DPP10: variants seen among roughly 807,000 people sequenced by gnomAD.
The protein encoded by DPP10 is dipeptidyl peptidase like 10.
A neutral mutation model predicts 120.9 loss-of-function variants in DPP10; 33 were observed. That is an observed-to-expected ratio of 0.27 (90% CI 0.21 to 0.37). DPP10 has a LOEUF of 0.37. Ranked by LOEUF, DPP10 falls within the 10% of genes least tolerant of loss-of-function variation. The probability of loss-of-function intolerance (pLI) is 1.00; values close to 1 mark genes in which losing one functional copy is unlikely to be tolerated. For synonymous variants in DPP10, 337 were observed against 326.1 expected, an observed-to-expected ratio of 1.03 and a Z score of -0.36; for missense variants, 816 against 942.8, an observed-to-expected ratio of 0.87 and a Z score of 1.76.
At chr2:114,583,756 A>G (rs1444211387) in intron 1 of DPP10, among the ~76,000 whole-genome samples, 1 of 152,210 alleles carries the variant, frequency 6.6e-6, no homozygotes, top group East Asian at 1.9e-4. Context: ...CCAAAACAAC[A>G]TATCTGCAAA....
intron 1 of DPP10, among the ~76,000 whole-genome samples, chr2:114,550,019 C>T (rs1335496385): frequency 6.6e-6 from 1 of 152,178 alleles, no homozygotes; most frequent in Non-Finnish European, 1.5e-5. Context: ...TGCCTTCATC[C>T]ATTTGTCACC....
intron 17 of DPP10, among the ~76,000 whole-genome samples, chr2:115,786,162 A>G (rs190816896): frequency 6.6e-6 from 1 of 152,318 alleles, no homozygotes; most frequent in East Asian, 1.9e-4. Flanking sequence ...ATAACAGTCT[A>G]TGATTATTTC....
chr2:114,812,668 T>C lies in DPP10; in HGVS notation c.60+369830T>C, dbSNP rs1228944938. Among the ~76,000 whole-genome samples the C allele has an allele frequency of 2.6e-5, 4 of 152,138 alleles. No homozygotes were observed. In the South Asian group the frequency reaches 6.2e-4, roughly 24 times the overall value. On this transcript the variant is annotated intron_variant, in intron 1 of 25. Coordinates refer to ENST00000410059, the MANE Select transcript of DPP10 (RefSeq NM_020868.6). ...GTATCAATGTCTTTGTTCTCACCTC[T>C]GTATCTCTACAGCTTCCTCCTACTC...
intron 7 of DPP10, among the ~76,000 whole-genome samples, chr2:115,715,747 A>G (rs942740008): frequency 1.3e-5 from 2 of 152,178 alleles, no homozygotes; most frequent in African/African-American, 2.4e-5. Context: ...TTTTTCTTCT[A>G]TCTTTACATT....
intron 1 of DPP10, among the ~76,000 whole-genome samples, chr2:114,443,763 A>G (rs1425416352): frequency 2.0e-5 from 3 of 151,404 alleles, no homozygotes; most frequent in East Asian, 3.9e-4. Flanking sequence ...AGTTACTGCA[A>G]TCTCTCATTA....
At chr2:114,781,992 G>A (rs762105645) in intron 1 of DPP10, among the ~76,000 whole-genome samples, 7 of 151,966 alleles carry the variant, frequency 4.6e-5, no homozygotes, top group Non-Finnish European at 1.0e-4. Context: ...TTCTTTAAAT[G>A]TCGTACACAA....
intron 19 of DPP10, 83 bp from the exon 20 acceptor site, chr2:115,814,710 A>T (rs1575864509): frequency 1.8e-6 from 2 of 1,124,372 alleles, no homozygotes; most frequent in Non-Finnish European, 2.4e-6. Flanking sequence ...CTTTCCCATT[A>T]CTTAACTTGT....
chr2:114,917,812 T>C (rs150763217), intron 1 of DPP10, among the ~76,000 whole-genome samples: 122 of 152,158 alleles, frequency 8.0e-4, no homozygotes, highest in African/African-American at 2.9e-3. Flanking sequence ...CAACTCAAGA[T>C]GGATTAAAGA....
intron 5 of DPP10, among the ~76,000 whole-genome samples, chr2:115,542,224 C>G (rs1161862609): frequency 6.6e-6 from 1 of 151,852 alleles, no homozygotes; most frequent in Non-Finnish European, 1.5e-5. Context: ...CTTTTGCTTC[C>G]CCTTTATACT....
intron 1 of DPP10, among the ~76,000 whole-genome samples, chr2:115,107,422 C>CTT (rs59046305): frequency 0.071 from 4,274 of 59,830 alleles, 1,098 homozygotes; most frequent in East Asian, 0.1. Context: ...TTGGTTATAG[C>CTT]TTTTTTTTTT....
chr2:114,474,608 G>T (rs1680219128), intron 1 of DPP10, among the ~76,000 whole-genome samples: 1 of 152,146 alleles, frequency 6.6e-6, no homozygotes, highest in Non-Finnish European at 1.5e-5. Flanking sequence ...TAAAGAGAGA[G>T]GGAAAATCAG....
At chr2:115,132,256 C>A (rs2050400759) in intron 1 of DPP10, among the ~76,000 whole-genome samples, 1 of 151,946 alleles carries the variant, frequency 6.6e-6, no homozygotes, top group South Asian at 2.1e-4. Flanking sequence ...TAGATGAAGC[C>A]TCAGGAGTTG....
chr2:115,537,963 C>T (rs2078958723), intron 5 of DPP10, among the ~76,000 whole-genome samples: 1 of 151,970 alleles, frequency 6.6e-6, no homozygotes, highest in African/African-American at 2.4e-5. Context: ...AGGGCTACTT[C>T]CATGTCGTCA....
At chr2:115,009,656 T>C (rs1702119932) in intron 1 of DPP10, among the ~76,000 whole-genome samples, 1 of 152,006 alleles carries the variant, frequency 6.6e-6, no homozygotes. Flanking sequence ...GGGATAGCAT[T>C]AGGAGAAATA....
chr2:114,622,485 T>A (rs1257049222), intron 1 of DPP10, among the ~76,000 whole-genome samples: 2 of 152,046 alleles, frequency 1.3e-5, no homozygotes, highest in African/African-American at 4.8e-5. Flanking sequence ...TATTTACAAT[T>A]TCTTGCACAG....
intron 1 of DPP10, among the ~76,000 whole-genome samples, chr2:114,849,488 C>T (rs572470460): frequency 6.6e-5 from 10 of 152,112 alleles, no homozygotes; most frequent in South Asian, 4.1e-4. Context: ...TAACACACAC[C>T]GTCACACCTG....
chr2:115,839,694 C>G (rs1689892601), intron 24 of DPP10, among the ~76,000 whole-genome samples: 2 of 129,498 alleles, frequency 1.5e-5, no homozygotes, highest in South Asian at 4.9e-4. Context: ...AAAAAAAAGG[C>G]AGCTTAAACA....
chr2:114,813,472 C>T (rs74350406), intron 1 of DPP10, among the ~76,000 whole-genome samples: 3,172 of 152,216 alleles, frequency 0.021, 127 homozygotes, highest in African/African-American at 0.073. Flanking sequence ...CATACTTTGG[C>T]TTGTGCTCTT....
At chr2:115,322,555 C>A (rs2062114917) in intron 2 of DPP10, among the ~76,000 whole-genome samples, 1 of 152,122 alleles carries the variant, frequency 6.6e-6, no homozygotes, top group Non-Finnish European at 1.5e-5. Context: ...TGTGATAAAC[C>A]TGGATTCCTT....
Sources: allele counts gnomAD v4.1 joint callset (sites outside exome capture counted in the v4.1 genomes callset), GRCh38; gene constraint gnomAD v4.1.1; transcripts MANE v1.5; gene names NCBI Gene and HGNC (gene_info 2026-07-23, HGNC 2026-07-21).